Variants in ANKS1B observed in about 807,000 individuals in gnomAD.
ANKS1B encodes the protein ankyrin repeat and sterile alpha motif domain-containing protein 1B.
ANKS1B carries 36 observed loss-of-function variants against 148.3 expected under a neutral mutation model. The ratio of observed to expected loss-of-function variants is 0.24; its 90% CI spans 0.19 to 0.32. The LOEUF (loss-of-function observed/expected upper bound fraction) is 0.32. Among genes scored for constraint, ANKS1B ranks in the 10% least tolerant of loss-of-function variants. The probability of loss-of-function intolerance (pLI) is 1.00; values close to 1 mark genes in which losing one functional copy is unlikely to be tolerated. For missense variants in ANKS1B, 1,157 were observed against 1,542.6 expected (o/e 0.75, Z 4.19); for synonymous variants, 542 against 560.8 (o/e 0.97, Z 0.47).
intron 16 of ANKS1B, among the ~76,000 whole-genome samples, chr12:99,059,905 G>C (rs1461267981): frequency 2.6e-5 from 4 of 151,378 alleles, no homozygotes; most frequent in Non-Finnish European, 5.9e-5. Flanking sequence ...TCTCAAATTA[G>C]CAATGATGAA....
chr12:99,504,834 T>C (rs1482063940), intron 9 of ANKS1B, among the ~76,000 whole-genome samples, 193 bp from the exon 10 acceptor site: 2 of 152,142 alleles, frequency 1.3e-5, no homozygotes, highest in Non-Finnish European at 2.9e-5. Context: ...CCTCATAATT[T>C]AAAAGGACTG....
At chr12:99,768,795 C>T (rs903083345) in intron 8 of ANKS1B, among the ~76,000 whole-genome samples, 1 of 138,664 alleles carries the variant, frequency 7.2e-6, no homozygotes, top group South Asian at 2.4e-4. Flanking sequence ...CACTGCACTC[C>T]AGCCTGCGAC....
chr12:98,802,499 AT>A (rs1355910782), intron 20 of ANKS1B, among the ~76,000 whole-genome samples: 1 of 148,606 alleles, frequency 6.7e-6, no homozygotes, highest in Non-Finnish European at 1.5e-5. Flanking sequence ...TAGCTCTCCA[AT>A]TTTCTTTGCG....
At chr12:99,627,963 A>G (rs939994102) in intron 9 of ANKS1B, among the ~76,000 whole-genome samples, 14 of 151,960 alleles carry the variant, frequency 9.2e-5, no homozygotes, top group African/African-American at 3.4e-4. Context: ...AAGAACGTAC[A>G]GTCATGTATC....
intron 17 of ANKS1B, among the ~76,000 whole-genome samples, chr12:98,873,776 T>TA (rs892835568): frequency 6.6e-6 from 1 of 152,124 alleles, no homozygotes; most frequent in African/African-American, 2.4e-5. Context: ...GTCCTAGAGG[T>TA]AAAAATCACT....
intron 12 of ANKS1B, among the ~76,000 whole-genome samples, chr12:99,317,100 G>C (rs1254687658): frequency 6.6e-6 from 1 of 152,130 alleles, no homozygotes; most frequent in Non-Finnish European, 1.5e-5. Flanking sequence ...GTCAGGTAGC[G>C]TGATGCCTCC....
chr12:99,948,973 C>A (rs959756652), intron 1 of ANKS1B, among the ~76,000 whole-genome samples: 1 of 152,182 alleles, frequency 6.6e-6, no homozygotes, highest in African/African-American at 2.4e-5. Flanking sequence ...GAGAAGCACA[C>A]AAATGACTAT....
At chr12:99,963,695 G>A (rs1487084333) in intron 1 of ANKS1B, among the ~76,000 whole-genome samples, 1 of 152,172 alleles carries the variant, frequency 6.6e-6, no homozygotes, top group Non-Finnish European at 1.5e-5. Context: ...TTTCCTGATA[G>A]TAACTTAAAG....
At chr12:99,389,537 T>C (rs921088680) in intron 12 of ANKS1B, among the ~76,000 whole-genome samples, 1 of 152,212 alleles carries the variant, frequency 6.6e-6, no homozygotes, top group African/African-American at 2.4e-5. Context: ...TTTTTAACTT[T>C]AATGATCACA....
At chr12:98,817,297 G>C (rs940879405) in intron 19 of ANKS1B, among the ~76,000 whole-genome samples, 3 of 152,228 alleles carry the variant, frequency 2.0e-5, no homozygotes, top group Admixed American at 1.3e-4. Context: ...TCCTTGAGCA[G>C]AGACTGGGAT....
chr12:99,429,453 G>T (rs1408059927), intron 11 of ANKS1B, among the ~76,000 whole-genome samples: 2 of 152,164 alleles, frequency 1.3e-5, no homozygotes, highest in African/African-American at 2.4e-5. Context: ...GTCAAGAAAA[G>T]ACTGAAGAAT....
At chr12:99,588,691 C>T (rs2097668955) in intron 9 of ANKS1B, among the ~76,000 whole-genome samples, 1 of 152,012 alleles carries the variant, frequency 6.6e-6, no homozygotes, top group Non-Finnish European at 1.5e-5. Context: ...ACAATTTATA[C>T]TGAATTTTCT....
intron 9 of ANKS1B, among the ~76,000 whole-genome samples, chr12:99,632,727 C>CTCTATATATATATA (rs1555520239): frequency 2.6e-5 from 1 of 39,052 alleles, no homozygotes; most frequent in Non-Finnish European, 5.6e-5. Flanking sequence ...CCTTTTCTTT[C>CTCTATATATATATA]TATATATATA....
At chr12:99,573,846 C>G (rs112767297) in intron 9 of ANKS1B, among the ~76,000 whole-genome samples, 1 of 151,998 alleles carries the variant, frequency 6.6e-6, no homozygotes, top group Non-Finnish European at 1.5e-5. Flanking sequence ...GAAGTCAATA[C>G]GTCCACCTAT....
intron 19 of ANKS1B, among the ~76,000 whole-genome samples, chr12:98,812,573 T>C (rs2099105775): frequency 6.6e-6 from 1 of 152,146 alleles, no homozygotes; most frequent in Admixed American, 6.5e-5. Flanking sequence ...TTGTGAAAAT[T>C]ATTATTTTAT....
At chr12:99,740,327 C>CA (rs1431220570) in intron 8 of ANKS1B, among the ~76,000 whole-genome samples, 1 of 150,424 alleles carries the variant, frequency 6.6e-6, no homozygotes, top group East Asian at 1.9e-4. Context: ...AAAACAAAAA[C>CA]AAAAAACAAA....
At position 99,927,135 on chromosome 12, in the gene ANKS1B, C is replaced by T. The variant is rs75310842; in HGVS notation, c.134+56969G>A. On this transcript the variant is annotated intron_variant, in intron 1 of 26. Coordinates refer to ENST00000683438, the MANE Select transcript of ANKS1B (RefSeq NM_001352186.2). ...TAGGCCTAAGAAAATGAAGGAGACA[C>T]ACTGAAACAGAGGTAAAAGCTGAAA... 2.7e-3 allele frequency among the ~76,000 whole-genome samples: 410 copies of T among 152,068 alleles called. 1 individual carries two copies. Among genetic ancestry groups the T allele is most frequent in the African/African-American group, 9.5e-3 (394 of 41,540 alleles).
At chr12:99,449,935 CTAT>C in intron 10 of ANKS1B, among the ~76,000 whole-genome samples, 1 of 142,388 alleles carries the variant, frequency 7.0e-6, no homozygotes, top group African/African-American at 2.7e-5. Context: ...ATCTATCTAT[CTAT>C]CTATCTATCT....
rs1189860163 is a variant in ANKS1B, at chr12:99,300,891, T to C, written c.1757-54027A>G. On this transcript the variant is annotated intron_variant, in intron 12 of 26. Transcript: ENST00000683438. ...TAGATGTATTCGGTTTCAGAACTAA[T>C]AGGCTATATAGAGATATAAAAGAGG... 3.3e-5 allele frequency among the ~76,000 whole-genome samples: 5 copies of C among 152,164 alleles called. No homozygotes were observed. In the East Asian group the frequency reaches 7.7e-4, roughly 23 times the overall value.
Sources: allele counts gnomAD v4.1 joint callset (sites outside exome capture counted in the v4.1 genomes callset), GRCh38; gene constraint gnomAD v4.1.1; transcripts MANE v1.5; gene names NCBI Gene and HGNC (gene_info 2026-07-23, HGNC 2026-07-21).